The following COL9A3 variants were observed in gnomAD, a reference collection of about 807,000 sequenced individuals.
COL9A3 encodes the protein collagen alpha-3(IX) chain.
COL9A3 carries 82 observed loss-of-function variants against 110.2 expected under a neutral mutation model. That is an observed-to-expected ratio of 0.74 (90% CI 0.62 to 0.89). The LOEUF (loss-of-function observed/expected upper bound fraction) is 0.89. Ranked by LOEUF, COL9A3 falls within the 40% of genes least tolerant of loss-of-function variation. The probability of loss-of-function intolerance (pLI) is 0.00; values close to 1 mark genes in which losing one functional copy is unlikely to be tolerated. For synonymous variants in COL9A3, 494 were observed against 403.8 expected (o/e 1.22, Z -2.68); for missense variants, 1,066 against 981.3 (o/e 1.09, Z -1.15).
Position 62,836,309 on chromosome 20 carries a change from C to T in COL9A3, c.1524C>T (p.Gly508=), listed in dbSNP as rs752358579. ...LGLQGVPGVP[G]ITGKPGVPGK... The stretch of plus-strand genomic sequence containing the variant: ...TGCAGGGCGTCCCGGGTGTTCCTGG[C>T]ATCACGGGGAAGCCGGGAGTTCCGG... The change falls in exon 28 of 32, where the codon GGC becomes GGT. Residue 508 remains glycine (G), a synonymous_variant. Transcript: ENST00000649368. The T allele has an allele frequency of 1.2e-6, 2 of 1,613,736 alleles. No individual in the cohort carries two copies. Among genetic ancestry groups the T allele is most frequent in the African/African-American group, 2.7e-5 (2 of 74,944 alleles).
chr20:62,835,334 G>T (rs1568763267), intron 26 of COL9A3, among the ~76,000 whole-genome samples: 4 of 152,352 alleles, frequency 2.6e-5, no homozygotes, highest in African/African-American at 7.2e-5. Context: ...ATGGTGGAAG[G>T]CAGAAGGGCC....
chr20:62,820,784 G>A (rs900638864), intron 5 of COL9A3, among the ~76,000 whole-genome samples: 1 of 152,174 alleles, frequency 6.6e-6, no homozygotes, highest in Non-Finnish European at 1.5e-5. Context: ...GGGCCCAGAG[G>A]GTGTGGAGGG....
intron 3 of COL9A3, 47 bp from the exon 4 acceptor site, chr20:62,819,175 C>G (rs760469617): frequency 6.3e-7 from 1 of 1,583,662 alleles, no homozygotes; most frequent in Non-Finnish European, 8.7e-7. Context: ...GGCCTGGGCT[C>G]CAGGCCAGAC....
rs1214395344 is a variant in COL9A3, at chr20:62,826,840, G to A, written c.792+20G>A. The A allele has an allele frequency of 1.9e-6, 3 of 1,612,178 alleles. No homozygotes were observed. The highest frequency in any genetic ancestry group is 2.5e-6 in the Non-Finnish European group (3 of 1,179,826). On this transcript the variant is annotated intron_variant, in intron 15 of 31. Coordinates refer to ENST00000649368, the MANE Select transcript of COL9A3 (RefSeq NM_001853.4). ...AAAGCGGTACGTGTGTCAGTGGACGGTGGGCGCCATGCCTCGTGACCTCTC... is the reference window on the plus strand; with the variant it reads ...AAAGCGGTACGTGTGTCAGTGGACGATGGGCGCCATGCCTCGTGACCTCTC...
In COL9A3 at chr20:62,822,169, G is replaced by A. The variant is rs2063518057; in HGVS notation, c.477+5G>A. The A allele has an allele frequency of 1.3e-6, 2 of 1,556,958 alleles. No individual in the cohort carries two copies. Among genetic ancestry groups the A allele is most frequent in the South Asian group, 1.1e-5 (1 of 89,952 alleles). ...CCAGGACCTCCCGGACCCCCTGTAA[G>A]TACTGGGCAGAGGCTCTAAGAAGTG... is the stretch of plus-strand genomic sequence containing the variant. On this transcript the variant is annotated splice_donor_5th_base_variant and intron_variant, in intron 9 of 31. Coordinates refer to ENST00000649368, the MANE Select transcript of COL9A3 (RefSeq NM_001853.4).
chr20:62,823,550 G>A (rs1170557924), intron 10 of COL9A3, among the ~76,000 whole-genome samples: 1 of 152,266 alleles, frequency 6.6e-6, no homozygotes, highest in Non-Finnish European at 1.5e-5. Context: ...TGGCCAGCCT[G>A]TGTCCCAGAA....
intron 5 of COL9A3, among the ~76,000 whole-genome samples, chr20:62,820,548 C>G (rs2038215): frequency 6.6e-6 from 1 of 152,122 alleles, no homozygotes; most frequent in Non-Finnish European, 1.5e-5. Context: ...GCTGGGGACA[C>G]GAGGACACAG....
intron 3 of COL9A3, among the ~76,000 whole-genome samples, chr20:62,818,958 G>A (rs942587442): frequency 6.6e-6 from 1 of 152,208 alleles, no homozygotes; most frequent in African/African-American, 2.4e-5. Context: ...CTTAGCCAGG[G>A]AGGCCGAGGT....
chr20:62,828,056 C>A, intron 17 of COL9A3, 80 bp downstream of exon 17: 1 of 1,473,462 alleles, frequency 6.8e-7, no homozygotes, highest in Non-Finnish European at 9.4e-7. Flanking sequence ...TTCAGAAGGG[C>A]TGGAGCTCAG....
intron 17 of COL9A3, 121 bp from the exon 18 acceptor site, chr20:62,828,643 C>A: frequency 8.8e-7 from 1 of 1,138,542 alleles, no homozygotes; most frequent in African/African-American, 1.5e-5. Flanking sequence ...AGATAACTGC[C>A]AGGGTGTGGG....
Position 62,819,329 on chromosome 20 carries a change from C to G in COL9A3, c.255+36C>G, listed in dbSNP as rs1439521524. On this transcript the variant is annotated intron_variant, in intron 4 of 31. Transcript: ENST00000649368. ...CTGCCCCTCCCCGCCATGCCCCACT[C>G]CCCGCTCCGGGTCCCTGGAGGAGTC... is the stretch of plus-strand genomic sequence containing the variant. 7 of 1,539,882 alleles carry G rather than the reference C, an allele frequency of 4.5e-6. No homozygotes were observed. In the Admixed American group the frequency reaches 5.2e-5, roughly 11 times the overall value.
chr20:62,837,762 G>A (rs143643936), intron 30 of COL9A3, among the ~76,000 whole-genome samples: 4,694 of 151,772 alleles, frequency 0.031, 104 homozygotes, highest in East Asian at 0.11. Flanking sequence ...AGCTGAGATC[G>A]CACCATTGCA....
chr20:62,838,071 C>T (rs1171800210), intron 30 of COL9A3, among the ~76,000 whole-genome samples: 2 of 152,218 alleles, frequency 1.3e-5, no homozygotes, highest in African/African-American at 2.4e-5. Context: ...AACATGATTA[C>T]AAAATATTAA....
intron 29 of COL9A3, 184 bp downstream of exon 29, chr20:62,836,716 G>A: frequency 1.5e-6 from 1 of 674,996 alleles, no homozygotes; most frequent in Non-Finnish European, 2.5e-6. Context: ...CTCTGCGCTA[G>A]AGGATGGCCC....
intron 25 of COL9A3, 123 bp from the exon 26 acceptor site, chr20:62,832,897 C>A: frequency 1.1e-6 from 1 of 906,344 alleles, no homozygotes; most frequent in Non-Finnish European, 1.8e-6. Flanking sequence ...GGGGCCTGGG[C>A]TTTTGGCCTC....
rs1223892470 is a variant in COL9A3 at position 62,828,966 on chromosome 20, A to G, written c.998A>G (p.Asn333Ser). ...RNGAPGEKGP[N>S]GLPGLPGRAG... ...GGTGCTCCGGGAGAGAAGGGCCCCA[A>G]CGGGCTGCCGGTGAGTGCCCGGCGG... Residue 333 changes from asparagine to serine, a missense_variant, in exon 19 of 32, where the codon AAC (asparagine) becomes AGC (serine). By Grantham distance (46) the Asn-to-Ser change is conservative. Coordinates refer to ENST00000649368, the MANE Select transcript of COL9A3 (RefSeq NM_001853.4). 1.9e-6 allele frequency: 3 copies of G among 1,608,248 alleles called. No homozygotes were observed. Among genetic ancestry groups the G allele is most frequent in the South Asian group, 1.1e-5 (1 of 90,736 alleles).
chr20:62,819,410 A>C lies in COL9A3; in HGVS notation c.255+117A>C, dbSNP rs998420952. 8 of 1,025,050 alleles carry C rather than the reference A, an allele frequency of 7.8e-6. No homozygotes were observed. The Admixed American group carries it at 1.6e-4, about 20-fold the overall frequency. 63.5% of individuals were successfully genotyped at this position (1,025,050 alleles called of 1,614,324 possible). ...TGCTCAGGCGGGAAGCCCAGTCCTG[A>C]GAGAAGTCTCCAGAAGTCCCCAACA... On this transcript the variant is annotated intron_variant, in intron 4 of 31. Coordinates refer to ENST00000649368, the MANE Select transcript of COL9A3 (RefSeq NM_001853.4).
chr20:62,838,832 C>T (rs924408042), intron 31 of COL9A3, 71 bp downstream of exon 31: 76 of 1,283,880 alleles, frequency 5.9e-5, no homozygotes, highest in African/African-American at 4.9e-4. Flanking sequence ...TTATGTGGGG[C>T]GTGCTTGGGT....
intron 4 of COL9A3, 116 bp downstream of exon 4, chr20:62,819,409 G>C: frequency 9.7e-7 from 1 of 1,027,534 alleles, no homozygotes; most frequent in East Asian, 2.6e-5. Context: ...GCCCAGTCCT[G>C]AGAGAAGTCT....
Sources: allele counts gnomAD v4.1 joint callset (sites outside exome capture counted in the v4.1 genomes callset), GRCh38; gene constraint gnomAD v4.1.1; transcripts MANE v1.5; gene names NCBI Gene and HGNC (gene_info 2026-07-23, HGNC 2026-07-21).